The following MSH3 variants were observed in gnomAD, a reference collection of about 807,000 sequenced individuals.
MSH3 encodes the protein mutS homolog 3.
A neutral mutation model predicts 123.3 loss-of-function variants in MSH3; 106 were observed. The ratio of observed to expected loss-of-function variants is 0.86; its 90% CI spans 0.73 to 1.01. The LOEUF is 1.01. Among genes scored for constraint, MSH3 ranks in the 50% least tolerant of loss-of-function variants. The probability of loss-of-function intolerance (pLI) is 0.00; values close to 1 mark genes in which losing one functional copy is unlikely to be tolerated. For synonymous variants in MSH3, 515 were observed against 481.4 expected (o/e 1.07, Z -0.91); for missense variants, 1,459 against 1,347.6 (o/e 1.08, Z -1.29).
chr5:80,752,476 C>G (rs1386517507), intron 12 of MSH3, among the ~76,000 whole-genome samples: 3 of 152,054 alleles, frequency 2.0e-5, no homozygotes, highest in Non-Finnish European at 4.4e-5. Context: ...GTCATCCAGC[C>G]AAGCACATAG....
intron 20 of MSH3, among the ~76,000 whole-genome samples, chr5:80,850,817 C>T (rs1159073148): frequency 6.6e-6 from 1 of 152,166 alleles, no homozygotes; most frequent in Admixed American, 6.5e-5. Context: ...TCAGTCTTCT[C>T]TTTCATACTG....
intron 12 of MSH3, among the ~76,000 whole-genome samples, chr5:80,755,378 G>C (rs1743908493): frequency 6.6e-6 from 1 of 152,158 alleles, no homozygotes; most frequent in Non-Finnish European, 1.5e-5. Context: ...TTGGGCTGAG[G>C]AAGAGGAATA....
chr5:80,752,398 T>G (rs1743853826), intron 12 of MSH3, among the ~76,000 whole-genome samples: 1 of 152,144 alleles, frequency 6.6e-6, no homozygotes, highest in Non-Finnish European at 1.5e-5. Context: ...CTGTATTTTT[T>G]TCAGCTATCT....
At chr5:80,800,254 A>C (rs919700203) in intron 19 of MSH3, among the ~76,000 whole-genome samples, 5 of 152,198 alleles carry the variant, frequency 3.3e-5, no homozygotes, top group Admixed American at 1.3e-4. Context: ...ATCATTAATT[A>C]ATTCATTCAT....
chr5:80,840,716 G>C (rs913224026), intron 20 of MSH3, among the ~76,000 whole-genome samples: 2 of 151,722 alleles, frequency 1.3e-5, no homozygotes, highest in African/African-American at 2.4e-5. Context: ...ATTTACGTTA[G>C]GTATTTCACC....
chr5:80,781,837 G>A (rs1744415690), intron 17 of MSH3, among the ~76,000 whole-genome samples: 1 of 151,944 alleles, frequency 6.6e-6, no homozygotes, highest in Non-Finnish European at 1.5e-5. Flanking sequence ...CTTCTGACTG[G>A]GCCTTCTACT....
At chr5:80,865,456 G>T (rs990867958) in intron 22 of MSH3, among the ~76,000 whole-genome samples, 1 of 152,102 alleles carries the variant, frequency 6.6e-6, no homozygotes, top group African/African-American at 2.4e-5. Flanking sequence ...TTAGATGGGG[G>T]CTAAAATGAG....
At chr5:80,758,947 T>G (rs930732433) in intron 12 of MSH3, among the ~76,000 whole-genome samples, 1 of 152,224 alleles carries the variant, frequency 6.6e-6, no homozygotes, top group Non-Finnish European at 1.5e-5. Flanking sequence ...ATCTTTCATT[T>G]ATGCAGGAGT....
rs72199313 is a variant in MSH3, at chr5:80,692,273, TTAGA to T, written c.1340+13191_1340+13194del. ...AGATAGATAGATAAACATGTATATG[TTAGA>T]TAGATAGATAAACATGTATATGTTA... is the stretch of plus-strand genomic sequence containing the variant. On this transcript the variant is annotated intron_variant, in intron 8 of 23. Coordinates refer to ENST00000265081, the MANE Select transcript of MSH3 (RefSeq NM_002439.5). Among the ~76,000 whole-genome samples the T allele has an allele frequency of 5.6e-3, 154 of 27,684 alleles. 50 individuals are homozygous for T. The highest frequency in any genetic ancestry group is 0.024 in the African/African-American group (113 of 4,622). 18.2% of individuals were successfully genotyped at this position (27,684 alleles called of 152,430 possible).
At chr5:80,748,845 C>T (rs2112871866) in intron 12 of MSH3, among the ~76,000 whole-genome samples, 1 of 151,906 alleles carries the variant, frequency 6.6e-6, no homozygotes, top group South Asian at 2.1e-4. Flanking sequence ...GTTCCAGACT[C>T]ATTGGTGGGT....
chr5:80,846,204 C>G (rs1315024446), intron 20 of MSH3, among the ~76,000 whole-genome samples: 1 of 152,114 alleles, frequency 6.6e-6, no homozygotes, highest in African/African-American at 2.4e-5. Context: ...CACTCCAGAC[C>G]CTCTTTGCCT....
chr5:80,696,525 CA>C (rs1212644062), intron 8 of MSH3, among the ~76,000 whole-genome samples: 3 of 152,106 alleles, frequency 2.0e-5, no homozygotes, highest in Non-Finnish European at 4.4e-5. Flanking sequence ...TTTTCAGCTC[CA>C]AGTCTGGGTT....
At chr5:80,721,027 T>G (rs563796720) in intron 8 of MSH3, among the ~76,000 whole-genome samples, 1 of 152,310 alleles carries the variant, frequency 6.6e-6, no homozygotes, top group African/African-American at 2.4e-5. Flanking sequence ...GTTGGTCCCC[T>G]CCCTTCACAT....
At position 80,679,059 on chromosome 5, in the gene MSH3, A is replaced by G. The variant is rs1336202860; in HGVS notation, c.1306A>G (p.Thr436Ala). 1.2e-6 allele frequency: 2 copies of G among 1,613,946 alleles called. No homozygotes were observed. The highest frequency in any genetic ancestry group is 4.5e-5 in the East Asian group (2 of 44,894). ...LLLPSALSEQ[T>A]EALIHRATSV... ...GCTTCCTTCGGCCTTGTCCGAGCAAACAGAGGCGCTCATCCACAGAGCCAC... is the reference window on the plus strand; with the variant it reads ...GCTTCCTTCGGCCTTGTCCGAGCAAGCAGAGGCGCTCATCCACAGAGCCAC... The change falls in exon 8 of 24, where the codon ACA (threonine) becomes GCA (alanine). Residue 436 changes from threonine (T) to alanine (A), a missense_variant. Coordinates refer to ENST00000265081, the MANE Select transcript of MSH3 (RefSeq NM_002439.5).
In MSH3 at chr5:80,768,976, A is replaced by G. The variant is rs1580035077; in HGVS notation, c.2226A>G (p.Ala742=). The stretch of plus-strand genomic sequence containing the variant: ...GAAAAATACTAAAAAATCCTTCTGC[A>G]CAATATGTGACAGTATCAGGACAGG... ...EIRKILKNPS[A]QYVTVSGQEF... is the part of the protein sequence containing the mutation. Residue 742 remains alanine, a synonymous_variant, in exon 15 of 24, where the codon GCA becomes GCG. Coordinates refer to ENST00000265081, the MANE Select transcript of MSH3 (RefSeq NM_002439.5). 6.2e-7 allele frequency: 1 copy of G among 1,613,012 alleles called. No homozygotes were observed. The highest frequency in any genetic ancestry group is 8.5e-7 in the Non-Finnish European group (1 of 1,179,258).
At chr5:80,833,433 C>A (rs1399507430) in intron 20 of MSH3, among the ~76,000 whole-genome samples, 2 of 151,882 alleles carry the variant, frequency 1.3e-5, no homozygotes, top group Admixed American at 1.3e-4. Context: ...AAACTATAAA[C>A]TTTATTTATT....
At chr5:80,769,434 TA>T (rs201850819) in intron 15 of MSH3, among the ~76,000 whole-genome samples, 1 of 151,700 alleles carries the variant, frequency 6.6e-6, no homozygotes, top group Non-Finnish European at 1.5e-5. Context: ...GTATAGCTGC[TA>T]AAAAAAACAA....
intron 15 of MSH3, among the ~76,000 whole-genome samples, chr5:80,771,999 AAAGT>A: frequency 6.6e-6 from 1 of 152,240 alleles, no homozygotes; most frequent in East Asian, 1.9e-4. Context: ...TGTATGTATG[AAAGT>A]ATGTATGTAT....
intron 8 of MSH3, among the ~76,000 whole-genome samples, chr5:80,682,071 C>G (rs930108822): frequency 4.6e-5 from 7 of 152,044 alleles, no homozygotes; most frequent in African/African-American, 1.7e-4. Context: ...ACTTTATTTG[C>G]ATATTGGACT....
Sources: gnomAD v4.1 joint callset for allele counts (sites outside exome capture counted in the v4.1 genomes callset) on GRCh38, gnomAD v4.1.1 for gene constraint, MANE v1.5 for transcripts, NCBI Gene and HGNC (gene_info 2026-07-23, HGNC 2026-07-21) for gene names.